GIPR: variants seen among roughly 807,000 people sequenced by gnomAD.
GIPR encodes the protein gastric inhibitory polypeptide receptor, also known as GIP-R.
GIPR carries 74 observed loss-of-function variants against 62.2 expected under a neutral mutation model. The ratio of observed to expected loss-of-function variants is 1.19; its 90% CI spans 0.99 to 1.44. The LOEUF (loss-of-function observed/expected upper bound fraction) is 1.44. Ranked by LOEUF, GIPR falls within the 40% of genes most tolerant of loss-of-function variation. GIPR has a pLI of 0.00. For missense variants in GIPR, 664 were observed against 611.8 expected (o/e 1.09, Z -0.90); for synonymous variants, 256 against 262.2 (o/e 0.98, Z 0.23).
intron 1 of GIPR, among the ~76,000 whole-genome samples, chr19:45,668,873 C>T (rs1975392961): frequency 6.6e-6 from 1 of 152,336 alleles, no homozygotes; most frequent in Non-Finnish European, 1.5e-5. Context: ...GCTTTATCTA[C>T]CCCCAGCGGG....
intron 7 of GIPR, among the ~76,000 whole-genome samples, chr19:45,676,452 G>A (rs1340123787): frequency 7.8e-5 from 1 of 12,900 alleles, no homozygotes; most frequent in South Asian, 2.0e-3. Flanking sequence ...TTTTTTTTTT[G>A]AGACGGAGTC....
chr19:45,674,945 C>T (rs1975755833), intron 7 of GIPR, 119 bp downstream of exon 7: 1 of 1,073,904 alleles, frequency 9.3e-7, no homozygotes, highest in Non-Finnish European at 1.5e-6. Flanking sequence ...TTGGGAGGGT[C>T]CCTCTCCAAA....
Position 45,677,972 on chromosome 19 carries a change from C to A in GIPR, c.991C>A (p.Arg331Ser), listed in dbSNP as rs1159403383. ...GTCCAAGCTGAGGACACGGCAAATGCGCTGCCGGGATTACCGGCTGAGGTG... is the reference window on the plus strand; with the variant it reads ...GTCCAAGCTGAGGACACGGCAAATGAGCTGCCGGGATTACCGGCTGAGGTG... ...LLSKLRTRQM[R>S]CRDYRLRLAR... is the part of the protein sequence containing the mutation. Residue 331 changes from arginine to serine, a missense_variant, in exon 11 of 14, where the codon CGC becomes AGC. Physicochemically the swap from Arg to Ser is moderately radical, Grantham distance 110. Transcript: ENST00000590918. 1.9e-6 allele frequency: 3 copies of A among 1,613,754 alleles called. No homozygotes were observed. The highest frequency in any genetic ancestry group is 2.5e-6 in the Non-Finnish European group (3 of 1,180,018).
At chr19:45,674,046 GT>G (rs2146081128) in intron 5 of GIPR, 27 bp from the exon 6 acceptor site, 1 of 1,383,864 alleles carries the variant, frequency 7.2e-7, no homozygotes, top group East Asian at 2.3e-5. Context: ...GCCAAGCCTT[GT>G]TCCCTTCCCC....
chr19:45,678,349 C>A (rs1016734943), intron 12 of GIPR, 123 bp downstream of exon 12: 2 of 1,076,172 alleles, frequency 1.9e-6, no homozygotes, highest in Non-Finnish European at 1.4e-6. Context: ...GGATTTAGTT[C>A]GTTCATTAAT....
At chr19:45,681,673 G>A (rs1366478735) in intron 13 of GIPR, 28 bp downstream of exon 13, 2 of 1,612,544 alleles carry the variant, frequency 1.2e-6, no homozygotes, top group Non-Finnish European at 8.5e-7. Context: ...CGCCGCCCCC[G>A]CCCTCTGGCG....
intron 5 of GIPR, 44 bp downstream of exon 5, chr19:45,672,998 TG>T: frequency 1.8e-6 from 2 of 1,141,414 alleles, no homozygotes; most frequent in Non-Finnish European, 2.7e-6. Flanking sequence ...CAGGGAGAGA[TG>T]GAAAGGCAGT....
In GIPR at chr19:45,681,794, A is replaced by G. The variant is rs1249441897; in HGVS notation, c.1260A>G (p.Gln420=). The G allele has an allele frequency of 2.1e-5, 34 of 1,586,706 alleles. No individual in the cohort carries two copies. Among genetic ancestry groups the G allele is most frequent in the Admixed American group, 3.6e-5 (2 of 55,780 alleles). ...TGCGCCGCAGCCTGGGCGAGGAGCA[A>G]CGCCAGCTCCCGGAGCGCGCCTTCC... ...CRLRRSLGEE[Q]RQLPERAFRA... The change falls in exon 14 of 14, where the codon CAA becomes CAG. Residue 420 remains glutamine, a synonymous_variant. Coordinates refer to ENST00000590918, the MANE Select transcript of GIPR (RefSeq NM_000164.4).
intron 11 of GIPR, 40 bp from the exon 12 acceptor site, chr19:45,678,048 C>A (rs753140368): frequency 2.5e-6 from 4 of 1,611,656 alleles, no homozygotes; most frequent in East Asian, 4.5e-5. Flanking sequence ...AGATGGGGAA[C>A]CAGGGCTGCG....
rs775108162 is a variant in GIPR, at chr19:45,672,965, G to C, written c.384+11G>C. On this transcript the variant is annotated intron_variant, in intron 5 of 13. Coordinates refer to ENST00000590918, the MANE Select transcript of GIPR (RefSeq NM_000164.4). ...AATGAGGCCTTTCTGGTAAGAAGAG[G>C]TGAGGGCTTCAGGTTAGGAGTCCAG... 6.7e-7 allele frequency: 1 copy of C among 1,486,530 alleles called. No homozygotes were observed. Among genetic ancestry groups the C allele is most frequent in the South Asian group, 1.1e-5 (1 of 88,586 alleles). The allele number at this position is 1,486,530 out of a possible 1,614,324, so 92.1% of individuals were successfully genotyped here.
At chr19:45,674,336 G>C in intron 6 of GIPR, 159 bp downstream of exon 6, 1 of 698,160 alleles carries the variant, frequency 1.4e-6, no homozygotes, top group Non-Finnish European at 2.6e-6. Flanking sequence ...GGCCGGGAGC[G>C]GTGGCTGATG....
chr19:45,677,368 T>C lies in GIPR; in HGVS notation c.839T>C (p.Leu280Pro), dbSNP rs752466989. Residue 280 changes from leucine to proline, a missense_variant, in exon 9 of 14, where the codon CTG becomes CCG. By Grantham distance (98) the Leu-to-Pro change is moderately conservative. Transcript: ENST00000590918. ...ATTCCCTGGGTGATCGTCAGGTACCTGTACGAGAACACGCAGTGAGTTGCA... is the reference window on the plus strand; with the variant it reads ...ATTCCCTGGGTGATCGTCAGGTACCCGTACGAGAACACGCAGTGAGTTGCA... ...FVIPWVIVRY[L>P]YENTQCWERN... 5 of 1,595,626 alleles carry C rather than the reference T, an allele frequency of 3.1e-6. No individual in the cohort carries two copies. The highest frequency in any genetic ancestry group is 1.1e-5 in the South Asian group (1 of 90,308).
Position 45,681,880 on chromosome 19 carries a change from G to A in GIPR, c.1346G>A (p.Gly449Glu). ...EVPTSRGLSS[G>E]TLPGPGNEAS... Reference sequence around the variant, plus strand: ...CCCACCAGCCGCGGCTTGTCCTCGGGGACCCTCCCAGGGCCTGGGAATGAG... The same window carrying A: ...CCCACCAGCCGCGGCTTGTCCTCGGAGACCCTCCCAGGGCCTGGGAATGAG... The change falls in exon 14 of 14, where the codon GGG (glycine) becomes GAG (glutamate). Residue 449 changes from glycine (G) to glutamate (E), a missense_variant. Coordinates refer to ENST00000590918, the MANE Select transcript of GIPR (RefSeq NM_000164.4). The A allele has an allele frequency of 1.3e-6, 2 of 1,556,982 alleles. No homozygotes were observed. Among genetic ancestry groups the A allele is most frequent in the Non-Finnish European group, 1.7e-6 (2 of 1,149,916 alleles).
At position 45,671,310 on chromosome 19, in the gene GIPR, T is replaced by C. The variant is rs765195794; in HGVS notation, c.198T>C (p.Asp66=). 6.2e-7 allele frequency: 1 copy of C among 1,612,586 alleles called. No homozygotes were observed. Among genetic ancestry groups the C allele is most frequent in the South Asian group, 1.1e-5 (1 of 91,080 alleles). ...GCCTCGCCTGTAACGGGTCCTTCGA[T>C]ATGTACGTCTGCTGGGACTATGCTG... is the stretch of plus-strand genomic sequence containing the variant. ...PSGLACNGSF[D]MYVCWDYAAP... The change falls in exon 4 of 14, where the codon GAT becomes GAC. Residue 66 remains aspartate, a synonymous_variant. Transcript: ENST00000590918.
At chr19:45,668,836 G>A (rs1489831529) in intron 1 of GIPR, among the ~76,000 whole-genome samples, 1 of 152,202 alleles carries the variant, frequency 6.6e-6, no homozygotes, top group African/African-American at 2.4e-5. Flanking sequence ...TTTGGATGCT[G>A]GGAAAGGGTT....
chr19:45,669,682 A>G (rs1975436094), intron 2 of GIPR, 90 bp downstream of exon 2: 11 of 1,505,162 alleles, frequency 7.3e-6, no homozygotes, highest in Non-Finnish European at 8.0e-6. Flanking sequence ...GCTGTCGCTC[A>G]CGCCTGTAAT....
Position 45,674,788 on chromosome 19 carries a change from C to G in GIPR, c.595C>G (p.Pro199Ala), listed in dbSNP as rs1199352514. The G allele has an allele frequency of 1.2e-6, 2 of 1,614,016 alleles. No individual in the cohort carries two copies. Among genetic ancestry groups the G allele is most frequent in the Admixed American group, 1.7e-5 (1 of 59,986 alleles). ...SRDRLLPRPGPYLGDQALALW... is the reference protein window; with the variant it reads ...SRDRLLPRPGAYLGDQALALW... ...AGACCGTCTGCTACCTCGACCTGGC[C>G]CCTACCTTGGGGACCAGGCCCTTGC... is the stretch of plus-strand genomic sequence containing the variant. The change falls in exon 7 of 14, where the codon CCC becomes GCC. Residue 199 changes from proline (P) to alanine (A), a missense_variant. By Grantham distance (27) the Pro-to-Ala change is conservative. Transcript: ENST00000590918.
chr19:45,678,220 C>T lies in GIPR; in HGVS notation c.1146C>T (p.Ser382=), dbSNP rs137944672. 1.3e-3 allele frequency: 2,041 copies of T among 1,562,628 alleles called. 1 individual carries two copies. The highest frequency in any genetic ancestry group is 1.4e-3 in the Non-Finnish European group (1,662 of 1,154,272). Residue 382 remains serine (S), a synonymous_variant, in exon 12 of 14, where the codon TCC becomes TCT. Coordinates refer to ENST00000590918, the MANE Select transcript of GIPR (RefSeq NM_000164.4). The part of the protein sequence containing the change: ...AKLGFEIFLS[S]FQGFLVSVLY... ...TCGGCTTTGAGATCTTCCTCAGCTCCTTCCAGGTGCTCAGGCAGGGTGCAG... is the reference window on the plus strand; with the variant it reads ...TCGGCTTTGAGATCTTCCTCAGCTCTTTCCAGGTGCTCAGGCAGGGTGCAG...
chr19:45,676,943 C>A lies in GIPR; in HGVS notation c.634-6C>A. On this transcript the variant is annotated splice_polypyrimidine_tract_variant and splice_region_variant and intron_variant, in intron 7 of 13. Coordinates refer to ENST00000590918, the MANE Select transcript of GIPR (RefSeq NM_000164.4). ...CTACCCCTCTACCGGTCTGGCCCCT[C>A]CCTAGGCCCTCGCTGCCTGCCGCAC... 1 of 1,613,700 alleles carries A rather than the reference C, an allele frequency of 6.2e-7. No homozygotes were observed.
Sources: allele counts gnomAD v4.1 joint callset (sites outside exome capture counted in the v4.1 genomes callset), GRCh38; gene constraint gnomAD v4.1.1; transcripts MANE v1.5; gene names NCBI Gene and HGNC (gene_info 2026-07-23, HGNC 2026-07-21).